The following USP15 variants were observed in gnomAD, a reference collection of about 807,000 sequenced individuals.
The protein encoded by USP15 is ubiquitin carboxyl-terminal hydrolase 15.
A neutral mutation model predicts 127.1 loss-of-function variants in USP15; 18 were observed. The ratio of observed to expected loss-of-function variants is 0.14; its 90% CI spans 0.10 to 0.21. The LOEUF (loss-of-function observed/expected upper bound fraction) is 0.21, where lower values mean the gene tolerates loss of function less well. USP15 is among the 10% of genes least tolerant of loss of function. The pLI, the probability that USP15 is intolerant of heterozygous loss-of-function variation, is 1.00. For missense variants in USP15, 805 were observed against 1,159.9 expected, an observed-to-expected ratio of 0.69 and a Z score of 4.44; for synonymous variants, 364 against 393.7, an observed-to-expected ratio of 0.92 and a Z score of 0.89.
chr12:62,320,710 G>T lies in USP15; in HGVS notation c.476-754G>T, dbSNP rs190684270. Among the ~76,000 whole-genome samples, 498 of 152,194 alleles carry T rather than the reference G, an allele frequency of 3.3e-3. 3 individuals carry two copies. The highest frequency in any genetic ancestry group is 0.024 in the Middle Eastern group (7 of 294). ...TTATTGGACTAAATTATGTAGGATA[G>T]ATGTGGGTTTTCATATTTCTTCGGA... is the stretch of plus-strand genomic sequence containing the variant. On this transcript the variant is annotated intron_variant, in intron 4 of 21. Transcript: ENST00000280377.
At position 62,392,009 on chromosome 12, in the gene USP15, A is replaced by G. The variant is rs927660242; in HGVS notation, c.2304+123A>G. 2.5e-4 allele frequency: 271 copies of G among 1,070,988 alleles called. 2 individuals carry two copies. In the African/African-American group the frequency reaches 3.9e-3, roughly 15 times the overall value. 66.3% of individuals were successfully genotyped at this position (1,070,988 alleles called of 1,614,324 possible). A position where few individuals can be genotyped will look rare whatever the true frequency, so the allele number is the denominator to read the frequency against. On this transcript the variant is annotated intron_variant, in intron 17 of 21. Coordinates refer to ENST00000280377, the MANE Select transcript of USP15 (RefSeq NM_001252078.2). ...CAAATATGTTTATTTTGCCAGTAAAAAATTGGTCATGAACTAGAAAAAAAA... is the reference window on the plus strand; with the variant it reads ...CAAATATGTTTATTTTGCCAGTAAAGAATTGGTCATGAACTAGAAAAAAAA...
At chr12:62,351,954 TTTC>T (rs958621058) in intron 7 of USP15, among the ~76,000 whole-genome samples, 2 of 151,964 alleles carry the variant, frequency 1.3e-5, no homozygotes, top group African/African-American at 4.8e-5. Context: ...ATACAATTTA[TTTC>T]TTGAATTTCC....
At chr12:62,374,167 A>G (rs1045315359) in intron 8 of USP15, among the ~76,000 whole-genome samples, 3 of 152,074 alleles carry the variant, frequency 2.0e-5, no homozygotes, top group Admixed American at 6.6e-5. Context: ...GACTTTAACC[A>G]TGGATTACTT....
intron 19 of USP15, chr12:62,393,595 T>A (rs1322074615): frequency 6.4e-6 from 1 of 155,238 alleles, no homozygotes; most frequent in Admixed American, 6.5e-5. Flanking sequence ...GGTGTTTCTT[T>A]TGTTTGTTTT....
intron 6 of USP15, among the ~76,000 whole-genome samples, chr12:62,335,003 A>G (rs968653054): frequency 8.5e-5 from 13 of 152,218 alleles, no homozygotes; most frequent in African/African-American, 3.1e-4. Flanking sequence ...TTCTGTCTTC[A>G]TGAAACCACT....
chr12:62,351,304 T>A (rs544728752), intron 7 of USP15, among the ~76,000 whole-genome samples: 52 of 150,940 alleles, frequency 3.4e-4, no homozygotes, highest in Admixed American at 9.3e-4. Context: ...AAAAAAAGAG[T>A]GAAAATAACC....
chr12:62,267,115 T>A (rs969013499), intron 1 of USP15: 1 of 152,128 alleles, frequency 6.6e-6, no homozygotes, highest in Non-Finnish European at 1.5e-5. Context: ...TACTAAATAC[T>A]TTTTTTCTTC....
intron 2 of USP15, among the ~76,000 whole-genome samples, chr12:62,301,222 C>CA (rs1370701787): frequency 1.3e-5 from 2 of 152,124 alleles, no homozygotes; most frequent in Non-Finnish European, 2.9e-5. Context: ...GTAGAACTCT[C>CA]ATACACTGTT....
At chr12:62,341,698 A>G (rs1190072687) in intron 6 of USP15, among the ~76,000 whole-genome samples, 2 of 152,154 alleles carry the variant, frequency 1.3e-5, no homozygotes, top group African/African-American at 2.4e-5. Context: ...AGAATGTTGA[A>G]TATTGGCCCC....
At chr12:62,279,090 T>C (rs2063576009) in intron 1 of USP15, 1 of 152,176 alleles carries the variant, frequency 6.6e-6, no homozygotes, top group African/African-American at 2.4e-5. Flanking sequence ...GGCACAATAT[T>C]GTACAATAGA....
chr12:62,295,609 G>A (rs1463019524), intron 2 of USP15, among the ~76,000 whole-genome samples: 1 of 152,028 alleles, frequency 6.6e-6, no homozygotes, highest in African/African-American at 2.4e-5. Flanking sequence ...AATTAATAAA[G>A]AACAGATGAG....
intron 1 of USP15, among the ~76,000 whole-genome samples, chr12:62,270,219 T>C (rs1397573427): frequency 6.6e-6 from 1 of 152,110 alleles, no homozygotes; most frequent in Non-Finnish European, 1.5e-5. Context: ...AATTTGGTTA[T>C]TTTGTCTTTT....
chr12:62,357,870 TATTTCACAAAAATTC>T (rs1383732417), intron 8 of USP15, among the ~76,000 whole-genome samples: 1 of 152,098 alleles, frequency 6.6e-6, no homozygotes, highest in African/African-American at 2.4e-5. Flanking sequence ...TTTACTCCTC[TATTTCACAAAAATTC>T]ATGTAGTTCA....
intron 3 of USP15, chr12:62,305,837 A>G (rs2064469567): frequency 1.3e-5 from 2 of 152,208 alleles, no homozygotes; most frequent in South Asian, 4.1e-4. Context: ...AATAGCATAT[A>G]GCAGTACTCA....
intron 19 of USP15, among the ~76,000 whole-genome samples, chr12:62,395,092 A>G (rs1014127102): frequency 2.0e-5 from 3 of 152,202 alleles, no homozygotes; most frequent in Admixed American, 6.5e-5. Context: ...CAGCAAATGT[A>G]GAATAAAAAT....
intron 5 of USP15, among the ~76,000 whole-genome samples, chr12:62,325,452 C>T (rs568255257): frequency 1.3e-5 from 2 of 152,054 alleles, no homozygotes; most frequent in East Asian, 1.9e-4. Flanking sequence ...AATAAGTTAC[C>T]CAAGATCCTA....
intron 6 of USP15, chr12:62,336,468 C>T (rs2065469657): frequency 1.0e-6 from 1 of 985,300 alleles, no homozygotes. Flanking sequence ...TCTGCCTCCT[C>T]ACCTGAAGTT....
intron 3 of USP15, 70 bp downstream of exon 3, chr12:62,302,990 A>T: frequency 6.6e-7 from 1 of 1,517,932 alleles, no homozygotes; most frequent in East Asian, 2.5e-5. Context: ...TATTAATTCA[A>T]TGAATTGTGA....
At chr12:62,355,761 A>G (rs570782835) in intron 8 of USP15, among the ~76,000 whole-genome samples, 2 of 139,210 alleles carry the variant, frequency 1.4e-5, no homozygotes, top group South Asian at 2.2e-4. Flanking sequence ...AAAGGGAGGG[A>G]AAAAAAAGCA....
Sources: allele counts gnomAD v4.1 joint callset (sites outside exome capture counted in the v4.1 genomes callset), GRCh38; gene constraint gnomAD v4.1.1; transcripts MANE v1.5; gene names NCBI Gene and HGNC (gene_info 2026-07-23, HGNC 2026-07-21).